ATXN1: variants seen among roughly 807,000 people sequenced by gnomAD.
ATXN1 encodes the protein ataxin 1.
In ATXN1, 8 loss-of-function variants were observed where a neutral mutation model predicts 56.4. That is an observed-to-expected ratio of 0.14 (90% CI 0.08 to 0.26). The LOEUF is 0.26. ATXN1 is among the 10% of genes least tolerant of loss of function. The pLI is 1.00. For missense variants in ATXN1, 987 were observed against 1,106.5 expected, an observed-to-expected ratio of 0.89 and a Z score of 1.53; for synonymous variants, 514 against 494.6, an observed-to-expected ratio of 1.04 and a Z score of -0.52.
At chr6:16,551,242 T>A (rs1581839084) in intron 4 of ATXN1, among the ~76,000 whole-genome samples, 1 of 152,152 alleles carries the variant, frequency 6.6e-6, no homozygotes, top group East Asian at 1.9e-4. Flanking sequence ...GGCTCCCATA[T>A]CCCTTAGAAC....
intron 4 of ATXN1, among the ~76,000 whole-genome samples, chr6:16,558,393 G>A (rs1242887996): frequency 6.6e-6 from 1 of 150,862 alleles, no homozygotes; most frequent in Non-Finnish European, 1.5e-5. Flanking sequence ...TTTTCTTTTA[G>A]AGACAGGGTC....
At chr6:16,530,282 G>A (rs1012280819) in intron 4 of ATXN1, among the ~76,000 whole-genome samples, 1 of 152,118 alleles carries the variant, frequency 6.6e-6, no homozygotes, top group Non-Finnish European at 1.5e-5. Context: ...AATCAACGTA[G>A]GTTGTAGAAC....
chr6:16,715,309 G>C (rs1759616172), intron 2 of ATXN1, among the ~76,000 whole-genome samples: 1 of 152,106 alleles, frequency 6.6e-6, no homozygotes, highest in African/African-American at 2.4e-5. Context: ...TAACGTTAGA[G>C]ATAAAGACTC....
chr6:16,719,166 A>T (rs1439247316), intron 2 of ATXN1, among the ~76,000 whole-genome samples: 1 of 152,228 alleles, frequency 6.6e-6, no homozygotes, highest in East Asian at 1.9e-4. Context: ...GATACAAGCA[A>T]AATAAGCACA....
At position 16,758,223 on chromosome 6, in the gene ATXN1, T is replaced by A. The variant is rs139847976; in HGVS notation, c.-730+3075A>T. Among the ~76,000 whole-genome samples the A allele has an allele frequency of 3.5e-3, 530 of 152,310 alleles. 3 individuals carry two copies. Among genetic ancestry groups the A allele is most frequent in the African/African-American group, 0.012 (490 of 41,568 alleles). ...TAAGTTATTCCCCTGAGTAAACCCTTTAGAAATCCAGCCATCGCTATGGGC... is the reference window on the plus strand; with the variant it reads ...TAAGTTATTCCCCTGAGTAAACCCTATAGAAATCCAGCCATCGCTATGGGC... On this transcript the variant is annotated intron_variant, in intron 1 of 7. Transcript: ENST00000436367.
rs563318639 is a variant in ATXN1, at chr6:16,702,923, C to T, written c.-614-45022G>A. Among the ~76,000 whole-genome samples the T allele has an allele frequency of 5.9e-3, 896 of 152,218 alleles. 1 individual carries two copies. Among genetic ancestry groups the T allele is most frequent in the Non-Finnish European group, 9.2e-3 (623 of 68,002 alleles). On this transcript the variant is annotated intron_variant, in intron 2 of 7. Transcript: ENST00000436367. The stretch of plus-strand genomic sequence containing the variant: ...TCAACCATTGTGGAAGTCAGTGTGG[C>T]GATTCCTCAGGGATCTAGAACTAGA...
rs1759543222 is a variant in ATXN1 at position 16,712,364 on chromosome 6, C to T, written c.-615+40869G>A. Reference sequence around the variant, plus strand: ...TCCGTACAAAGGAACAGTGAACATGCTTGAGTGAAAACAGCCACGCAAGGC... The same window carrying T: ...TCCGTACAAAGGAACAGTGAACATGTTTGAGTGAAAACAGCCACGCAAGGC... On this transcript the variant is annotated intron_variant, in intron 2 of 7. Coordinates refer to ENST00000436367, the MANE Select transcript of ATXN1 (RefSeq NM_001128164.2). Among the ~76,000 whole-genome samples, 4 of 152,234 alleles carry T rather than the reference C, an allele frequency of 2.6e-5. No homozygotes were observed. In the South Asian group the frequency reaches 8.3e-4, roughly 32 times the overall value.
intron 2 of ATXN1, among the ~76,000 whole-genome samples, chr6:16,665,146 T>C (rs768741890): frequency 7.9e-5 from 12 of 152,198 alleles, no homozygotes; most frequent in Non-Finnish European, 1.5e-4. Context: ...GTTTCAGCAA[T>C]TGTGGATATT....
intron 3 of ATXN1, among the ~76,000 whole-genome samples, chr6:16,613,271 CAAAAAAAAAAAAA>C (rs765813165): frequency 1.9e-5 from 1 of 52,522 alleles, no homozygotes; most frequent in African/African-American, 6.5e-5. Context: ...GACTCCGTCT[CAAAAAAAAAAAAA>C]AAAAAAAAAA....
intron 2 of ATXN1, among the ~76,000 whole-genome samples, chr6:16,686,562 C>T (rs1048598742): frequency 6.6e-6 from 1 of 152,108 alleles, no homozygotes; most frequent in African/African-American, 2.4e-5. Flanking sequence ...GCGGATGTCC[C>T]TAAAATAAAG....
chr6:16,350,136 C>CA (rs1320595597), intron 6 of ATXN1, among the ~76,000 whole-genome samples: 1 of 152,116 alleles, frequency 6.6e-6, no homozygotes, highest in East Asian at 1.9e-4. Flanking sequence ...ATTTAATGGA[C>CA]AAGCGGAAAT....
chr6:16,443,168 T>A (rs1481494622), intron 6 of ATXN1, among the ~76,000 whole-genome samples: 1 of 121,358 alleles, frequency 8.2e-6, no homozygotes, highest in African/African-American at 3.3e-5. Context: ...GGTGACAAAG[T>A]GAGACCCTGT....
intron 2 of ATXN1, among the ~76,000 whole-genome samples, chr6:16,729,530 C>T (rs1003065974): frequency 6.6e-6 from 1 of 152,186 alleles, no homozygotes; most frequent in Non-Finnish European, 1.5e-5. Flanking sequence ...GGCATTGCAA[C>T]TTGTCATACC....
chr6:16,625,138 G>A (rs1433587734), intron 3 of ATXN1, among the ~76,000 whole-genome samples: 2 of 152,136 alleles, frequency 1.3e-5, no homozygotes, highest in Non-Finnish European at 2.9e-5. Flanking sequence ...TCGATCAAGT[G>A]AGCTGCATCT....
chr6:16,322,384 C>T (rs992674636), intron 7 of ATXN1, among the ~76,000 whole-genome samples: 5 of 152,008 alleles, frequency 3.3e-5, no homozygotes, highest in African/African-American at 1.2e-4. Flanking sequence ...CTATATCACA[C>T]TGCTTTCCCT....
intron 2 of ATXN1, among the ~76,000 whole-genome samples, chr6:16,660,245 C>A (rs1215242897): frequency 6.6e-6 from 1 of 152,164 alleles, no homozygotes; most frequent in Non-Finnish European, 1.5e-5. Flanking sequence ...TTCTTGTTTA[C>A]CATTTGAAGT....
chr6:16,394,174 T>C (rs1011380748), intron 6 of ATXN1, among the ~76,000 whole-genome samples: 23 of 152,132 alleles, frequency 1.5e-4, no homozygotes, highest in Non-Finnish European at 2.6e-4. Flanking sequence ...TGTCAAAATG[T>C]GGCTGATCAG....
intron 2 of ATXN1, among the ~76,000 whole-genome samples, chr6:16,713,324 A>G (rs1299570977): frequency 2.0e-5 from 3 of 152,358 alleles, no homozygotes; most frequent in Non-Finnish European, 4.4e-5. Flanking sequence ...TTTCTGAGAC[A>G]TTCCTATAAA....
chr6:16,628,327 C>G (rs561352213), intron 3 of ATXN1, among the ~76,000 whole-genome samples: 1 of 152,204 alleles, frequency 6.6e-6, no homozygotes, highest in Non-Finnish European at 1.5e-5. Context: ...GGGATATCCA[C>G]GTGCCCTCAT....
Sources: gnomAD v4.1 joint callset for allele counts (sites outside exome capture counted in the v4.1 genomes callset) on GRCh38, gnomAD v4.1.1 for gene constraint, MANE v1.5 for transcripts, NCBI Gene and HGNC (gene_info 2026-07-23, HGNC 2026-07-21) for gene names.